The following EP300 variants were observed in gnomAD, a reference collection of about 807,000 sequenced individuals.
EP300 encodes the protein EP300 lysine acetyltransferase, also known as histone acetyltransferase p300.
Under a neutral mutation model 264.0 loss-of-function variants are expected in EP300, and 31 were observed. The ratio of observed to expected loss-of-function variants is 0.12; its 90% CI spans 0.09 to 0.16. The LOEUF is 0.16. EP300 is among the 10% of genes least tolerant of loss of function. The pLI is 1.00. For synonymous variants in EP300, 1,340 were observed against 1,045.4 expected (o/e 1.28, Z -5.44); for missense variants, 2,766 against 3,052.9 (o/e 0.91, Z 2.21).
intron 28 of EP300, among the ~76,000 whole-genome samples, 160 bp from the exon 29 acceptor site, chr22:41,173,463 C>G (rs1160246605): frequency 6.6e-6 from 1 of 152,130 alleles, no homozygotes; most frequent in Admixed American, 6.5e-5. Flanking sequence ...GGTCAAATAA[C>G]AACTTTAAGG....
chr22:41,096,405 G>A (rs1018649798), intron 1 of EP300, among the ~76,000 whole-genome samples: 19 of 152,186 alleles, frequency 1.2e-4, no homozygotes, highest in African/African-American at 4.1e-4. Flanking sequence ...TAGGATTTTA[G>A]GATCTGGCAT....
In EP300 at chr22:41,126,054, C is replaced by T. The variant is rs2058880619; in HGVS notation, c.906+14C>T. The T allele has an allele frequency of 1.2e-6, 2 of 1,613,226 alleles. No individual in the cohort carries two copies. The highest frequency in any genetic ancestry group is 1.7e-4 in the Middle Eastern group (1 of 6,060). ...ATGCCCAACATGGTGAGTACTAATCCATTACAGACTTGTTTTCAAACTGGC... is the reference window on the plus strand; with the variant it reads ...ATGCCCAACATGGTGAGTACTAATCTATTACAGACTTGTTTTCAAACTGGC... On this transcript the variant is annotated intron_variant, in intron 3 of 30. Coordinates refer to ENST00000263253, the MANE Select transcript of EP300 (RefSeq NM_001429.4).
At position 41,176,357 on chromosome 22, in the gene EP300, T is replaced by C. The variant is rs2145512845; in HGVS notation, c.4890T>C (p.Phe1630=). 6.2e-7 allele frequency: 1 copy of C among 1,614,240 alleles called. No homozygotes were observed. Among genetic ancestry groups the C allele is most frequent in the Non-Finnish European group, 8.5e-7 (1 of 1,180,046 alleles). ...ATCTGATGGATGGTCGGGATGCGTT[T>C]CTCACGCTGGCAAGGGACAAGCACC... ...PCDLMDGRDA[F]LTLARDKHLE... is the part of the protein sequence containing the mutation. Residue 1630 remains phenylalanine (F), a synonymous_variant, in exon 30 of 31, where the codon TTT becomes TTC. Coordinates refer to ENST00000263253, the MANE Select transcript of EP300 (RefSeq NM_001429.4).
chr22:41,117,077 A>G (rs964253886), intron 1 of EP300, 110 bp from the exon 2 acceptor site: 14 of 959,058 alleles, frequency 1.5e-5, no homozygotes, highest in Non-Finnish European at 2.1e-5. Context: ...ATAGAAAAAC[A>G]TGGAGTGAGG....
chr22:41,161,443 C>G (rs1330220590), intron 20 of EP300, among the ~76,000 whole-genome samples: 4 of 152,102 alleles, frequency 2.6e-5, no homozygotes, highest in Admixed American at 2.0e-4. Flanking sequence ...CGGTGAAGCC[C>G]TGTCTCTACT....
intron 8 of EP300, among the ~76,000 whole-genome samples, chr22:41,138,258 G>A (rs767582776): frequency 5.9e-5 from 9 of 152,096 alleles, no homozygotes; most frequent in Non-Finnish European, 1.2e-4. Context: ...TCGCCTCCCA[G>A]GTGCCAGTGA....
chr22:41,117,859 C>T (rs2145697928), intron 2 of EP300, 38 bp downstream of exon 2: 1 of 1,612,374 alleles, frequency 6.2e-7, no homozygotes, highest in Non-Finnish European at 8.5e-7. Context: ...AATCGGCATG[C>T]ATGTGAGTAT....
intron 1 of EP300, among the ~76,000 whole-genome samples, chr22:41,094,933 A>G (rs191059325): frequency 4.6e-5 from 7 of 152,286 alleles, no homozygotes; most frequent in Admixed American, 4.6e-4. Flanking sequence ...GCTACTTGAA[A>G]TATCTTTGAA....
intron 18 of EP300, among the ~76,000 whole-genome samples, chr22:41,157,673 A>C (rs1406185756): frequency 6.6e-6 from 1 of 151,640 alleles, no homozygotes; most frequent in South Asian, 2.1e-4. Context: ...GTACGCCACC[A>C]TGCCTGGCTG....
chr22:41,157,044 G>T, intron 17 of EP300, 125 bp from the exon 18 acceptor site: 1 of 1,139,936 alleles, frequency 8.8e-7, no homozygotes. Context: ...GTCACCTCTT[G>T]GGGAATATAG....
Position 41,092,673 on chromosome 22 carries a change from G to T in EP300, c.-332G>T. ...GAGAGACCTCGGCTGGGCAGGGGCC[G>T]GCCGTGGCGGGCCGGGGACTGCGCC... On this transcript the variant is annotated 5_prime_UTR_variant, in exon 1 of 31. Coordinates refer to ENST00000263253, the MANE Select transcript of EP300 (RefSeq NM_001429.4). 1.6e-6 allele frequency: 1 copy of T among 620,102 alleles called. No homozygotes were observed. The highest frequency in any genetic ancestry group is 2.9e-6 in the Non-Finnish European group (1 of 343,606). The allele number at this position is 620,102 out of a possible 1,614,324, so 38.4% of individuals were successfully genotyped here.
chr22:41,093,752 A>G (rs1338239186), intron 1 of EP300, among the ~76,000 whole-genome samples: 1 of 152,202 alleles, frequency 6.6e-6, no homozygotes, highest in Non-Finnish European at 1.5e-5. Context: ...TGAGACCAAA[A>G]TGTCTGAAAC....
At chr22:41,175,345 C>A (rs1050170391) in intron 29 of EP300, among the ~76,000 whole-genome samples, 1 of 152,104 alleles carries the variant, frequency 6.6e-6, no homozygotes, top group Non-Finnish European at 1.5e-5. Context: ...CTCACAAGTT[C>A]CTAATTTCTT....
chr22:41,154,794 GT>G (rs1259511401), intron 16 of EP300, among the ~76,000 whole-genome samples, 200 bp from the exon 17 acceptor site: 1 of 152,126 alleles, frequency 6.6e-6, no homozygotes, highest in Non-Finnish European at 1.5e-5. Flanking sequence ...AAGACACAAT[GT>G]TTTTTAGGAG....
At chr22:41,156,302 C>T (rs1028269097) in intron 17 of EP300, among the ~76,000 whole-genome samples, 16 of 152,168 alleles carry the variant, frequency 1.1e-4, no homozygotes, top group African/African-American at 1.7e-4. Flanking sequence ...CGTGAGCCAC[C>T]GCACCCGGCC....
rs1482592728 is a variant in EP300, at chr22:41,170,684, C to T, written c.4452+113C>T. 1.3e-5 allele frequency: 12 copies of T among 929,162 alleles called. No homozygotes were observed. In the East Asian group the frequency reaches 1.5e-4, roughly 12 times the overall value. 57.6% of individuals were successfully genotyped at this position (929,162 alleles called of 1,614,324 possible). A position where few individuals can be genotyped will look rare whatever the true frequency, so the allele number is the denominator to read the frequency against. ...TTTTTTTTTTTTTTTTTTTTTGAGACGGAGTCTCGCTCTGTCACGCAGGCT... is the reference window on the plus strand; with the variant it reads ...TTTTTTTTTTTTTTTTTTTTTGAGATGGAGTCTCGCTCTGTCACGCAGGCT... On this transcript the variant is annotated intron_variant, in intron 27 of 30. Transcript: ENST00000263253.
rs551555173 is a variant in EP300 at position 41,135,788 on chromosome 22, C to T, written c.1529-25C>T. 13 of 1,514,754 alleles carry T rather than the reference C, an allele frequency of 8.6e-6. No individual in the cohort carries two copies. In the South Asian group the frequency reaches 1.2e-4, roughly 14 times the overall value. 93.8% of individuals were successfully genotyped at this position (1,514,754 alleles called of 1,614,324 possible). A position where few individuals can be genotyped will look rare whatever the true frequency, so the allele number is the denominator to read the frequency against. ...TGGTGGCTGTTGTATTTATTTCTGT[C>T]TCCTGTTATTTCATTTTGACTTAGG... is the stretch of plus-strand genomic sequence containing the variant. On this transcript the variant is annotated intron_variant, in intron 6 of 30. Coordinates refer to ENST00000263253, the MANE Select transcript of EP300 (RefSeq NM_001429.4).
At chr22:41,145,153 GT>G (rs1478932808) in intron 10 of EP300, among the ~76,000 whole-genome samples, 5 of 152,188 alleles carry the variant, frequency 3.3e-5, no homozygotes, top group Admixed American at 2.6e-4. Flanking sequence ...TGAAAACATT[GT>G]TTTGTAGATA....
At chr22:41,104,962 A>G (rs1036626804) in intron 1 of EP300, among the ~76,000 whole-genome samples, 3 of 152,052 alleles carry the variant, frequency 2.0e-5, no homozygotes, top group Non-Finnish European at 4.4e-5. Flanking sequence ...CAGGAGATTG[A>G]AACCATCCTG....
Sources: allele counts gnomAD v4.1 joint callset (sites outside exome capture counted in the v4.1 genomes callset), GRCh38; gene constraint gnomAD v4.1.1; transcripts MANE v1.5; gene names NCBI Gene and HGNC (gene_info 2026-07-23, HGNC 2026-07-21).